EXOC6B: variants seen among roughly 807,000 people sequenced by gnomAD.
EXOC6B encodes SEC15 homolog B.
Under a neutral mutation model 113.5 loss-of-function variants are expected in EXOC6B, and 54 were observed. The observed-to-expected ratio is 0.48, with a 90% CI of 0.38 to 0.60. EXOC6B has a LOEUF of 0.60. Among genes scored for constraint, EXOC6B ranks in the 20% least tolerant of loss-of-function variants. The pLI is 0.00. For missense variants in EXOC6B, 797 were observed against 977.5 expected, an observed-to-expected ratio of 0.82 and a Z score of 2.46; for synonymous variants, 357 against 339.0, an observed-to-expected ratio of 1.05 and a Z score of -0.58.
intron 20 of EXOC6B, among the ~76,000 whole-genome samples, chr2:72,301,178 A>G (rs1308119720): frequency 1.3e-5 from 2 of 152,166 alleles, no homozygotes; most frequent in African/African-American, 4.8e-5. Context: ...CCAACCTTCT[A>G]TCTCAGGGAT....
intron 18 of EXOC6B, among the ~76,000 whole-genome samples, chr2:72,423,778 C>T (rs995395821): frequency 3.3e-5 from 5 of 152,118 alleles, no homozygotes; most frequent in Admixed American, 1.3e-4. Flanking sequence ...CATGCACACA[C>T]ACATGAACAC....
At chr2:72,722,415 G>T (rs893294875) in intron 5 of EXOC6B, among the ~76,000 whole-genome samples, 2 of 152,088 alleles carry the variant, frequency 1.3e-5, no homozygotes, top group Non-Finnish European at 1.5e-5. Context: ...AATGAATTTA[G>T]TACCACAAAT....
At chr2:72,488,511 T>G (rs1489020132) in intron 16 of EXOC6B, among the ~76,000 whole-genome samples, 4 of 152,186 alleles carry the variant, frequency 2.6e-5, no homozygotes, top group Non-Finnish European at 4.4e-5. Flanking sequence ...ATAAATTTAA[T>G]ATGTCTAAAA....
intron 18 of EXOC6B, among the ~76,000 whole-genome samples, chr2:72,457,191 C>T (rs1289525498): frequency 6.6e-6 from 1 of 151,996 alleles, no homozygotes; most frequent in African/African-American, 2.4e-5. Flanking sequence ...ACATTTTGTA[C>T]TTAATGGGAG....
At chr2:72,198,849 T>A (rs536476774) in intron 20 of EXOC6B, among the ~76,000 whole-genome samples, 1 of 152,338 alleles carries the variant, frequency 6.6e-6, no homozygotes, top group African/African-American at 2.4e-5. Flanking sequence ...ATCAGATGAC[T>A]ACTAATCTGG....
chr2:72,792,050 G>C (rs1349425502), intron 1 of EXOC6B, among the ~76,000 whole-genome samples: 1 of 152,210 alleles, frequency 6.6e-6, no homozygotes, highest in African/African-American at 2.4e-5. Flanking sequence ...TGGAATGATG[G>C]AGCACCTCCC....
chr2:72,664,765 C>T (rs1447300708), intron 6 of EXOC6B, among the ~76,000 whole-genome samples: 2 of 152,200 alleles, frequency 1.3e-5, no homozygotes, highest in Non-Finnish European at 2.9e-5. Context: ...AGTTTGGCTT[C>T]TCCCATAGGA....
chr2:72,560,523 C>A (rs893552161), intron 7 of EXOC6B, among the ~76,000 whole-genome samples: 4 of 151,832 alleles, frequency 2.6e-5, no homozygotes, highest in African/African-American at 4.8e-5. Flanking sequence ...ATAAAGTAAA[C>A]CTCATTTCTT....
intron 5 of EXOC6B, among the ~76,000 whole-genome samples, chr2:72,730,473 C>G (rs1257108413): frequency 6.6e-6 from 1 of 152,076 alleles, no homozygotes; most frequent in Non-Finnish European, 1.5e-5. Flanking sequence ...TGGACTCTAG[C>G]TTGCTGGACT....
At chr2:72,592,574 C>CA (rs1437138623) in intron 6 of EXOC6B, among the ~76,000 whole-genome samples, 5 of 151,928 alleles carry the variant, frequency 3.3e-5, no homozygotes, top group Non-Finnish European at 1.5e-5. Context: ...GAATCCTCTC[C>CA]AAAAAAAGAT....
chr2:72,210,377 A>G (rs1680113324), intron 20 of EXOC6B, among the ~76,000 whole-genome samples: 1 of 152,234 alleles, frequency 6.6e-6, no homozygotes. Flanking sequence ...AACAAAATGA[A>G]CACGTCAATG....
chr2:72,586,826 AATC>A (rs1156703088), intron 6 of EXOC6B, among the ~76,000 whole-genome samples: 7 of 152,118 alleles, frequency 4.6e-5, no homozygotes, highest in African/African-American at 1.7e-4. Context: ...CACCATTACT[AATC>A]ATCAAGGAAA....
At chr2:72,671,875 TGAAGGAAG>T (rs372393725) in intron 6 of EXOC6B, among the ~76,000 whole-genome samples, 1 of 80,182 alleles carries the variant, frequency 1.2e-5, no homozygotes, top group African/African-American at 5.0e-5. Context: ...AAGAAAGGAA[TGAAGGAAG>T]GAAGGAAGGA....
chr2:72,651,290 T>C (rs1336329404), intron 6 of EXOC6B, among the ~76,000 whole-genome samples: 1 of 152,166 alleles, frequency 6.6e-6, no homozygotes, highest in African/African-American at 2.4e-5. Context: ...AAGCCTGTAG[T>C]TCTAATCCAT....
chr2:72,437,144 A>C (rs149442129), intron 18 of EXOC6B, among the ~76,000 whole-genome samples: 161 of 152,292 alleles, frequency 1.1e-3, no homozygotes, highest in African/African-American at 3.8e-3. Context: ...TCCTTCTAAC[A>C]GTCAGGCCCC....
At chr2:72,362,282 A>G (rs1262389523) in intron 19 of EXOC6B, among the ~76,000 whole-genome samples, 1 of 152,172 alleles carries the variant, frequency 6.6e-6, no homozygotes, top group Non-Finnish European at 1.5e-5. Flanking sequence ...AATTGTTGCT[A>G]CATTTCCTTG....
At chr2:72,185,542 G>C (rs182826700) in intron 20 of EXOC6B, among the ~76,000 whole-genome samples, 94 of 152,330 alleles carry the variant, frequency 6.2e-4, no homozygotes, top group African/African-American at 2.1e-3. Flanking sequence ...GAGAAGGAGT[G>C]GGGGAGAGAC....
intron 1 of EXOC6B, among the ~76,000 whole-genome samples, chr2:72,821,336 T>C (rs1286314746): frequency 6.6e-6 from 1 of 152,090 alleles, no homozygotes; most frequent in Middle Eastern, 3.2e-3. Context: ...TTGACAAGGA[T>C]GTGGAAAAAT....
At chr2:72,306,184 A>C (rs1244146170) in intron 20 of EXOC6B, among the ~76,000 whole-genome samples, 1 of 152,218 alleles carries the variant, frequency 6.6e-6, no homozygotes, top group Non-Finnish European at 1.5e-5. Flanking sequence ...ATTATTTATA[A>C]AAAACAAGGT....
Sources: gnomAD v4.1 joint callset for allele counts (sites outside exome capture counted in the v4.1 genomes callset) on GRCh38, gnomAD v4.1.1 for gene constraint, MANE v1.5 for transcripts, NCBI Gene and HGNC (gene_info 2026-07-23, HGNC 2026-07-21) for gene names.